RBMS3: variants seen among roughly 807,000 people sequenced by gnomAD.
RBMS3 encodes the protein RNA binding motif single stranded interacting protein 3.
RBMS3 carries 27 observed loss-of-function variants against 66.8 expected under a neutral mutation model. The ratio of observed to expected loss-of-function variants is 0.40; its 90% CI spans 0.30 to 0.56. RBMS3 has a LOEUF of 0.56. Among genes scored for constraint, RBMS3 ranks in the 20% least tolerant of loss-of-function variants. The pLI is 0.40. For missense variants in RBMS3, 513 were observed against 549.5 expected, an observed-to-expected ratio of 0.93 and a Z score of 0.66; for synonymous variants, 188 against 183.0, an observed-to-expected ratio of 1.03 and a Z score of -0.22.
chr3:29,558,085 T>C (rs561004958), intron 3 of RBMS3, among the ~76,000 whole-genome samples: 1 of 152,070 alleles, frequency 6.6e-6, no homozygotes, highest in South Asian at 2.1e-4. Context: ...CACAGTGAGA[T>C]AAAGGAGGTG....
At position 29,884,748 on chromosome 3, in the gene RBMS3, A is replaced by G. The variant is rs151070941; in HGVS notation, c.791+540A>G. On this transcript the variant is annotated intron_variant, in intron 8 of 14. Transcript: ENST00000383767. ...CTTAAACTTCCTCCTCTGAAAAACA[A>G]GTGTGAAACTACATGGTGTGGCAAC... Among the ~76,000 whole-genome samples the G allele has an allele frequency of 2.3e-3, 349 of 152,046 alleles. 1 individual carries two copies. In the East Asian group the frequency reaches 0.029, roughly 13 times the overall value.
chr3:29,730,674 A>T (rs866289658), intron 4 of RBMS3, among the ~76,000 whole-genome samples: 2 of 152,116 alleles, frequency 1.3e-5, no homozygotes, highest in Admixed American at 6.6e-5. Context: ...GATAAAATAG[A>T]CATTCCTGGG....
chr3:29,289,199 A>G (rs1011866428), intron 1 of RBMS3, among the ~76,000 whole-genome samples: 8 of 151,908 alleles, frequency 5.3e-5, no homozygotes, highest in African/African-American at 1.9e-4. Flanking sequence ...GACCTCAACA[A>G]TATATTATAG....
chr3:29,974,058 T>C (rs1697397113), intron 12 of RBMS3, among the ~76,000 whole-genome samples: 1 of 151,926 alleles, frequency 6.6e-6, no homozygotes, highest in African/African-American at 2.4e-5. Context: ...CTCAGACTGC[T>C]CCATTCTTTT....
At chr3:29,674,309 C>G (rs975531388) in intron 4 of RBMS3, among the ~76,000 whole-genome samples, 2 of 152,028 alleles carry the variant, frequency 1.3e-5, no homozygotes, top group Non-Finnish European at 2.9e-5. Flanking sequence ...ACTAAATGGG[C>G]AAAGATTGGA....
chr3:29,289,955 G>A (rs1009823987), intron 1 of RBMS3, among the ~76,000 whole-genome samples: 1 of 151,740 alleles, frequency 6.6e-6, no homozygotes, highest in African/African-American at 2.4e-5. Context: ...TTTTTTTAGA[G>A]ACAGCTTATT....
intron 4 of RBMS3, among the ~76,000 whole-genome samples, chr3:29,675,324 T>C (rs1367591996): frequency 1.3e-5 from 2 of 152,120 alleles, no homozygotes; most frequent in African/African-American, 4.8e-5. Context: ...ATAAAAATCC[T>C]AGAAGAAAAC....
At chr3:29,830,991 A>G (rs1184148181) in intron 6 of RBMS3, among the ~76,000 whole-genome samples, 5 of 152,184 alleles carry the variant, frequency 3.3e-5, no homozygotes, top group African/African-American at 7.2e-5. Flanking sequence ...ATACTAAGTT[A>G]AAGCCATTTC....
At chr3:29,689,917 CAAAAAAAAAAAAAAAAAAAAAAAAAA>C (rs66580293) in intron 4 of RBMS3, among the ~76,000 whole-genome samples, 1 of 27,726 alleles carries the variant, frequency 3.6e-5, no homozygotes, top group Non-Finnish European at 7.7e-5. Flanking sequence ...CTATCTCTAC[CAAAAAAAAAAAAAAAAAAAAAAAAAA>C]AAAAAAAAAA....
chr3:29,860,646 C>A lies in RBMS3; in HGVS notation c.638-8212C>A, dbSNP rs542389426. ...GCTTTCTCCCCTTCTAGACTGTGAC[C>A]ACTTTGCCAGGAGCAAAGTTTAGAG... is the stretch of plus-strand genomic sequence containing the variant. On this transcript the variant is annotated intron_variant, in intron 6 of 14. Coordinates refer to ENST00000383767, the MANE Select transcript of RBMS3 (RefSeq NM_001003793.3). 7.9e-5 allele frequency among the ~76,000 whole-genome samples: 12 copies of A among 152,238 alleles called. No homozygotes were observed. In the South Asian group the frequency reaches 2.5e-3, roughly 32 times the overall value.
intron 4 of RBMS3, among the ~76,000 whole-genome samples, chr3:29,649,292 A>G (rs2050058919): frequency 6.6e-6 from 1 of 152,210 alleles, no homozygotes; most frequent in Admixed American, 6.5e-5. Context: ...GAATCCATGG[A>G]ATCTTGCTCT....
intron 2 of RBMS3, among the ~76,000 whole-genome samples, chr3:29,438,031 TCTCTC>T (rs2041468571): frequency 3.8e-5 from 5 of 130,842 alleles, no homozygotes; most frequent in East Asian, 5.4e-4. Flanking sequence ...TGCTTGTTTC[TCTCTC>T]TCTCTCTCTC....
chr3:29,710,848 T>C (rs1392043078), intron 4 of RBMS3, among the ~76,000 whole-genome samples: 2 of 152,248 alleles, frequency 1.3e-5, no homozygotes, highest in African/African-American at 4.8e-5. Context: ...CTATACATTA[T>C]GGAAATGCTT....
chr3:29,592,944 T>C (rs997541525), intron 4 of RBMS3, among the ~76,000 whole-genome samples: 4 of 128,862 alleles, frequency 3.1e-5, no homozygotes, highest in African/African-American at 1.2e-4. Context: ...CACTCATAGG[T>C]GGGAATTGAA....
intron 12 of RBMS3, among the ~76,000 whole-genome samples, chr3:29,953,117 T>C (rs1179520255): frequency 6.6e-6 from 1 of 151,830 alleles, no homozygotes; most frequent in Non-Finnish European, 1.5e-5. Flanking sequence ...TATTACAGAA[T>C]TAGAGCTTGT....
intron 1 of RBMS3, among the ~76,000 whole-genome samples, chr3:29,315,793 T>C (rs548907977): frequency 1.3e-5 from 2 of 151,856 alleles, no homozygotes; most frequent in South Asian, 4.2e-4. Flanking sequence ...AGGAGTAGAA[T>C]TGTAGAGTCG....
At chr3:29,392,662 T>G (rs1260240724) in intron 1 of RBMS3, among the ~76,000 whole-genome samples, 2 of 152,172 alleles carry the variant, frequency 1.3e-5, no homozygotes, top group Non-Finnish European at 2.9e-5. Flanking sequence ...AATAACAAAA[T>G]ATTTTAAACT....
chr3:29,950,183 A>G (rs935438688), intron 12 of RBMS3, among the ~76,000 whole-genome samples: 1 of 151,898 alleles, frequency 6.6e-6, no homozygotes, highest in African/African-American at 2.4e-5. Context: ...AGATATGACT[A>G]CCCTCTGTGG....
chr3:29,992,503 G>T (rs1357019434), intron 14 of RBMS3, among the ~76,000 whole-genome samples: 1 of 152,174 alleles, frequency 6.6e-6, no homozygotes, highest in African/African-American at 2.4e-5. Flanking sequence ...GGGGGCTGAG[G>T]CAGGAGAATG....
Sources: gnomAD v4.1 joint callset for allele counts (sites outside exome capture counted in the v4.1 genomes callset) on GRCh38, gnomAD v4.1.1 for gene constraint, MANE v1.5 for transcripts, NCBI Gene and HGNC (gene_info 2026-07-23, HGNC 2026-07-21) for gene names.